The following LIMCH1 variants were observed in gnomAD, a reference collection of about 807,000 sequenced individuals.
The protein encoded by LIMCH1 is LIM and calponin homology domains-containing protein 1.
In LIMCH1, 113 loss-of-function variants were observed where a neutral mutation model predicts 176.5. The observed-to-expected ratio is 0.64, with a 90% CI of 0.55 to 0.75. The LOEUF is 0.75. Among genes scored for constraint, LIMCH1 ranks in the 30% least tolerant of loss-of-function variants. The pLI is 0.00. For synonymous variants in LIMCH1, 619 were observed against 645.9 expected, an observed-to-expected ratio of 0.96 and a Z score of 0.63; for missense variants, 1,674 against 1,814.9, an observed-to-expected ratio of 0.92 and a Z score of 1.41.
At chr4:41,376,883 ATG>A (rs1405640295) in intron 1 of LIMCH1, among the ~76,000 whole-genome samples, 1 of 152,190 alleles carries the variant, frequency 6.6e-6, no homozygotes, top group Admixed American at 6.5e-5. Context: ...GATAGTGGTG[ATG>A]GTTGCCCATA....
rs565530182 is a variant in LIMCH1 at position 41,399,889 on chromosome 4, G to A, written c.96+38953G>A. Among the ~76,000 whole-genome samples, 231 of 133,856 alleles carry A rather than the reference G, an allele frequency of 1.7e-3. 1 individual carries two copies. The highest frequency in any genetic ancestry group is 4.1e-3 in the Middle Eastern group (1 of 242). 87.8% of individuals were successfully genotyped at this position (133,856 alleles called of 152,430 possible). ...AGTAGAGATGGGGTTTCACCATGTT[G>A]GCCAGGATGGTCTTGATCTCCTGAC... is the stretch of plus-strand genomic sequence containing the variant. On this transcript the variant is annotated intron_variant, in intron 1 of 26. Coordinates refer to the LIMCH1 transcript ENST00000313860.
rs930932047 is a variant in LIMCH1 at position 41,647,045 on chromosome 4, A to G, written c.2820+152A>G. 24 of 763,476 alleles carry G rather than the reference A, an allele frequency of 3.1e-5. No individual in the cohort carries two copies. In the South Asian group the frequency reaches 4.0e-4, roughly 13 times the overall value. 47.3% of individuals were successfully genotyped at this position (763,476 alleles called of 1,614,324 possible). On this transcript the variant is annotated intron_variant, in intron 17 of 31. Transcript: ENST00000503057. ...CTGTGAAAGTCATAGGTCTCTGGAG[A>G]TTTGGTTTGTAAATGCTTCAGGGAC...
chr4:41,524,265 G>C, intron 2 of LIMCH1: 4 of 690,726 alleles, frequency 5.8e-6, no homozygotes, highest in Non-Finnish European at 7.9e-6. Context: ...ATGCATGAAG[G>C]CTGATAGATT....
rs576134227 is a variant in LIMCH1, at chr4:41,587,771, T to C, written c.-240-11149T>C. ...TACCTTTCAAACAGCAAGTATGCCA[T>C]TGATAGCTTTGAATAAGCTTTAAAA... is the stretch of plus-strand genomic sequence containing the variant. On this transcript the variant is annotated intron_variant, in intron 1 of 31. Coordinates refer to ENST00000503057, the MANE Select transcript of LIMCH1 (RefSeq NM_001330672.2). Among the ~76,000 whole-genome samples the C allele has an allele frequency of 2.4e-4, 36 of 152,318 alleles. No individual in the cohort carries two copies. The South Asian group carries it at 3.9e-3, about 17-fold the overall frequency.
intron 7 of LIMCH1, among the ~76,000 whole-genome samples, chr4:41,622,925 A>G (rs1190557869): frequency 6.6e-6 from 1 of 152,182 alleles, no homozygotes; most frequent in Non-Finnish European, 1.5e-5. Context: ...AATGTTCCCA[A>G]TAGCAACACA....
chr4:41,609,263 A>G (rs904507450), intron 4 of LIMCH1, among the ~76,000 whole-genome samples: 6 of 149,316 alleles, frequency 4.0e-5, no homozygotes, highest in Non-Finnish European at 3.0e-5. Flanking sequence ...TTTTCATGAT[A>G]CTTATCATCC....
chr4:41,492,837 T>C (rs2071339671), intron 1 of LIMCH1, among the ~76,000 whole-genome samples: 1 of 152,190 alleles, frequency 6.6e-6, no homozygotes, highest in Non-Finnish European at 1.5e-5. Flanking sequence ...TCTTCCTGAT[T>C]AGTGAACCTC....
chr4:41,525,636 T>C (rs2076563974), intron 3 of LIMCH1, among the ~76,000 whole-genome samples: 1 of 152,136 alleles, frequency 6.6e-6, no homozygotes, highest in South Asian at 2.1e-4. Context: ...AATTTTGTTC[T>C]TCAGAATCAT....
At chr4:41,502,383 A>G (rs1269642242) in intron 2 of LIMCH1, among the ~76,000 whole-genome samples, 1 of 152,064 alleles carries the variant, frequency 6.6e-6, no homozygotes, top group African/African-American at 2.4e-5. Context: ...GCGTGCCTGT[A>G]TCTTTATAAT....
chr4:41,641,738 G>A (rs1235462707), intron 14 of LIMCH1, among the ~76,000 whole-genome samples: 1 of 152,170 alleles, frequency 6.6e-6, no homozygotes, highest in Admixed American at 6.5e-5. Context: ...ATCACACAAG[G>A]TCAGGTGTGG....
chr4:41,450,883 G>C (rs2063799574), intron 1 of LIMCH1, among the ~76,000 whole-genome samples: 1 of 142,458 alleles, frequency 7.0e-6, no homozygotes, highest in Non-Finnish European at 1.5e-5. Context: ...GTCTAAGATT[G>C]TCCTTTATCA....
At chr4:41,547,292 A>G (rs1180416713) in intron 1 of LIMCH1, among the ~76,000 whole-genome samples, 1 of 152,072 alleles carries the variant, frequency 6.6e-6, no homozygotes, top group Non-Finnish European at 1.5e-5. Context: ...TTTGACTAAC[A>G]TGTCACCTTT....
chr4:41,373,089 G>A (rs902462462), intron 1 of LIMCH1, among the ~76,000 whole-genome samples: 1 of 152,198 alleles, frequency 6.6e-6, no homozygotes, highest in African/African-American at 2.4e-5. Flanking sequence ...AGAATCACGC[G>A]TGTGATGCAT....
intron 18 of LIMCH1, among the ~76,000 whole-genome samples, chr4:41,652,461 A>C (rs552493287): frequency 2.0e-5 from 3 of 152,174 alleles, no homozygotes; most frequent in African/African-American, 7.2e-5. Flanking sequence ...TGTCATTTGC[A>C]TACGTCTTAC....
intron 1 of LIMCH1, among the ~76,000 whole-genome samples, chr4:41,411,613 C>A (rs1348353859): frequency 1.3e-5 from 2 of 151,842 alleles, no homozygotes; most frequent in Non-Finnish European, 2.9e-5. Context: ...TTGATCGCTC[C>A]ACCACTCACT....
chr4:41,534,263 C>G (rs528942939), upstream of LIMCH1, among the ~76,000 whole-genome samples: 17 of 152,148 alleles, frequency 1.1e-4, no homozygotes, highest in African/African-American at 3.9e-4. Context: ...ATGACACACA[C>G]CATTTTTAAA....
intron 31 of LIMCH1, among the ~76,000 whole-genome samples, chr4:41,694,321 C>G (rs17444703): frequency 0.11 from 17,181 of 152,122 alleles, 1,297 homozygotes; most frequent in Middle Eastern, 0.26. Context: ...GGGCAGATCT[C>G]CATTGTAATC....
chr4:41,451,572 G>C (rs2063889891), intron 1 of LIMCH1, among the ~76,000 whole-genome samples: 1 of 152,126 alleles, frequency 6.6e-6, no homozygotes, highest in African/African-American at 2.4e-5. Context: ...TCTCCCCCAT[G>C]GAGTGCTGGT....
chr4:41,699,749 C>T lies in LIMCH1; in HGVS notation c.*2564C>T, dbSNP rs986541455. ...TGGGTAACTTTTTGTTTTTCACTAG[C>T]GAACTTCCATGACATTTCCTTTCTA... On this transcript the variant is annotated 3_prime_UTR_variant, in exon 32 of 32. Coordinates refer to ENST00000503057, the MANE Select transcript of LIMCH1 (RefSeq NM_001330672.2). The T allele has an allele frequency of 6.6e-6, 1 of 152,030 alleles. No homozygotes were observed. Among genetic ancestry groups the T allele is most frequent in the Non-Finnish European group, 1.5e-5 (1 of 67,996 alleles). 9.4% of individuals were successfully genotyped at this position (152,030 alleles called of 1,614,324 possible). A position where few individuals can be genotyped will look rare whatever the true frequency, so the allele number is the denominator to read the frequency against.
Sources: allele counts gnomAD v4.1 joint callset (sites outside exome capture counted in the v4.1 genomes callset), GRCh38; gene constraint gnomAD v4.1.1; transcripts MANE v1.5; gene names NCBI Gene and HGNC (gene_info 2026-07-23, HGNC 2026-07-21).